Variants in MAP2K3 observed in about 807,000 individuals in gnomAD.
MAP2K3 encodes the protein mitogen-activated protein kinase kinase 3, also known as dual specificity mitogen-activated protein kinase kinase 3.
MAP2K3 carries 30 observed loss-of-function variants against 46.4 expected under a neutral mutation model. The observed-to-expected ratio is 0.65, with a 90% CI of 0.48 to 0.88. The LOEUF (loss-of-function observed/expected upper bound fraction) is 0.88. Among genes scored for constraint, MAP2K3 ranks in the 40% least tolerant of loss-of-function variants. MAP2K3 has a pLI of 0.00. For missense variants in MAP2K3, 380 were observed against 464.5 expected, an observed-to-expected ratio of 0.82 and a Z score of 1.67; for synonymous variants, 189 against 176.3, an observed-to-expected ratio of 1.07 and a Z score of -0.57.
At chr17:21,299,968 G>C (rs1976496981) in intron 3 of MAP2K3, among the ~76,000 whole-genome samples, 1 of 152,306 alleles carries the variant, frequency 6.6e-6, no homozygotes, top group Non-Finnish European at 1.5e-5. Flanking sequence ...GGTGACGAGA[G>C]TGACACTCTG....
At chr17:21,302,910 A>G (rs1368030510) in intron 6 of MAP2K3, among the ~76,000 whole-genome samples, 1 of 152,306 alleles carries the variant, frequency 6.6e-6, no homozygotes, top group Non-Finnish European at 1.5e-5. Context: ...GTTTTACCCA[A>G]GAAGAGTGTG....
At chr17:21,285,366 C>A in intron 1 of MAP2K3, 1 of 791,258 alleles carries the variant, frequency 1.3e-6, no homozygotes, top group Non-Finnish European at 1.5e-6. Context: ...CCTTGGGCAG[C>A]ACCCAGTCCC....
chr17:21,295,731 C>T, intron 1 of MAP2K3: 2 of 1,287,288 alleles, frequency 1.6e-6, no homozygotes, highest in South Asian at 2.5e-5. Context: ...GAGCGTGGTC[C>T]CCACCCATCC....
intron 1 of MAP2K3, among the ~76,000 whole-genome samples, chr17:21,297,356 C>T (rs5026946): frequency 1.3e-5 from 2 of 152,428 alleles, no homozygotes; most frequent in East Asian, 3.9e-4. Flanking sequence ...CAGGGAGTGG[C>T]GGGTGGTGGG....
chr17:21,313,513 G>A lies in MAP2K3; in HGVS notation c.936G>A (p.Glu312=). 6.2e-7 allele frequency: 1 copy of A among 1,613,036 alleles called. No homozygotes were observed. Among genetic ancestry groups the A allele is most frequent in the Non-Finnish European group, 8.5e-7 (1 of 1,179,876 alleles). The change falls in exon 11 of 12, where the codon GAG becomes GAA. Residue 312 remains glutamate (E), a synonymous_variant. Coordinates refer to ENST00000342679, the MANE Select transcript of MAP2K3 (RefSeq NM_145109.3). ...CTAGCCTGAGGAAGAACCCCGCAGAGCGTATGAGCTACCTGGAGCTGATGG... is the reference window on the plus strand; with the variant it reads ...CTAGCCTGAGGAAGAACCCCGCAGAACGTATGAGCTACCTGGAGCTGATGG... ...TAQCLRKNPA[E]RMSYLELMEH...
chr17:21,301,148 T>G (rs1289449413), intron 5 of MAP2K3, among the ~76,000 whole-genome samples, 155 bp downstream of exon 5: 1 of 152,310 alleles, frequency 6.6e-6, no homozygotes, highest in African/African-American at 2.4e-5. Context: ...ACTGTCCTGC[T>G]CAGTGCCTCA....
intron 1 of MAP2K3, among the ~76,000 whole-genome samples, chr17:21,296,899 C>T (rs1976284483): frequency 1.5e-5 from 2 of 129,574 alleles, no homozygotes; most frequent in African/African-American, 5.8e-5. Context: ...CATGTGGCGG[C>T]AGCTGCTGCT....
intron 8 of MAP2K3, 39 bp downstream of exon 8, chr17:21,304,592 G>A (rs1339508725): frequency 1.9e-6 from 3 of 1,613,504 alleles, no homozygotes; most frequent in African/African-American, 1.3e-5. Context: ...AGGAGAGGAT[G>A]GGGCGGGGAG....
rs1555547331 is a variant in MAP2K3, at chr17:21,291,336, T to TACACAACACAAC, written c.49+6370_49+6371insCAACACAACACA. Reference sequence around the variant, plus strand: ...TACAATAGAATACAATAGAATACAGTACAATACAATACAACACAACACAAC... The same window carrying TACACAACACAAC: ...TACAATAGAATACAATAGAATACAGTACACAACACAACACAATACAATACAACACAACACAAC... On this transcript the variant is annotated intron_variant, in intron 1 of 11. Coordinates refer to ENST00000342679, the MANE Select transcript of MAP2K3 (RefSeq NM_145109.3). 27 of 52,740 alleles carry TACACAACACAAC rather than the reference T, an allele frequency of 5.1e-4. No individual in the cohort carries two copies. The African/African-American group carries it at 6.5e-3, about 13-fold the overall frequency. 3.3% of individuals were successfully genotyped at this position (52,740 alleles called of 1,614,324 possible). A position where few individuals can be genotyped will look rare whatever the true frequency, so the allele number is the denominator to read the frequency against.
chr17:21,298,220 G>A (rs778875157), intron 1 of MAP2K3, 193 bp from the exon 2 acceptor site: 84 of 820,010 alleles, frequency 1.0e-4, no homozygotes, highest in Non-Finnish European at 1.6e-4. Flanking sequence ...GTCCTGCTCT[G>A]CTCCCCTGCA....
At chr17:21,298,313 G>A (rs1402691581) in intron 1 of MAP2K3, 100 bp from the exon 2 acceptor site, 1 of 1,540,288 alleles carries the variant, frequency 6.5e-7, no homozygotes, top group African/African-American at 1.4e-5. Flanking sequence ...TGATGGCAGA[G>A]GCTGGCACCC....
At chr17:21,288,101 C>T (rs749814312) in intron 1 of MAP2K3, 20 of 1,288,716 alleles carry the variant, frequency 1.6e-5, no homozygotes, top group Non-Finnish European at 2.0e-5. Flanking sequence ...GGTGAGTCAG[C>T]GGGCACTGGG....
chr17:21,292,383 C>T (rs1286401773), intron 1 of MAP2K3, among the ~76,000 whole-genome samples: 3 of 151,344 alleles, frequency 2.0e-5, no homozygotes, highest in African/African-American at 4.9e-5. Flanking sequence ...TTTCCTTCTT[C>T]TTCTCATTTT....
intron 1 of MAP2K3, chr17:21,291,313 C>G (rs62056388): frequency 0.11 from 4,953 of 46,450 alleles, 95 homozygotes; most frequent in Non-Finnish European, 0.13. Context: ...GAATACAATA[C>G]AATAGAATAC....
intron 1 of MAP2K3, among the ~76,000 whole-genome samples, chr17:21,297,157 C>A (rs1976302691): frequency 6.6e-6 from 1 of 152,312 alleles, no homozygotes; most frequent in East Asian, 1.9e-4. Flanking sequence ...TCCATCTGGG[C>A]TGGGTTGGCT....
Position 21,284,760 on chromosome 17 carries a change from C to G in MAP2K3, c.-161C>G, listed in dbSNP as rs1975676498. ...GCGGACTCGTCCTTGCTGCAGTCGC[C>G]GCCGCAGTCCTCGCCGCAGTCGCCG... On this transcript the variant is annotated 5_prime_UTR_variant, in exon 1 of 12. Transcript: ENST00000342679. 1.4e-6 allele frequency: 1 copy of G among 694,014 alleles called. No individual in the cohort carries two copies. Among genetic ancestry groups the G allele is most frequent in the Non-Finnish European group, 2.2e-6 (1 of 451,230 alleles). 43.0% of individuals were successfully genotyped at this position (694,014 alleles called of 1,614,324 possible).
At chr17:21,293,817 G>A (rs1458698346) in intron 1 of MAP2K3, among the ~76,000 whole-genome samples, 2 of 152,312 alleles carry the variant, frequency 1.3e-5, no homozygotes, top group Admixed American at 6.5e-5. Flanking sequence ...CACAGCCTGG[G>A]CCTGGCATGG....
chr17:21,285,637 C>T (rs1292125956), intron 1 of MAP2K3, among the ~76,000 whole-genome samples: 1 of 152,180 alleles, frequency 6.6e-6, no homozygotes, highest in Non-Finnish European at 1.5e-5. Context: ...GTCCTCCCAC[C>T]CCTCCCTAAG....
intron 1 of MAP2K3, among the ~76,000 whole-genome samples, chr17:21,293,153 T>C (rs1976037903): frequency 1.3e-5 from 2 of 152,312 alleles, no homozygotes; most frequent in Non-Finnish European, 2.9e-5. Flanking sequence ...TGCAGAAGAA[T>C]GGGCATTTTG....
Sources: gnomAD v4.1 joint callset for allele counts (sites outside exome capture counted in the v4.1 genomes callset) on GRCh38, gnomAD v4.1.1 for gene constraint, MANE v1.5 for transcripts, NCBI Gene and HGNC (gene_info 2026-07-23, HGNC 2026-07-21) for gene names.